Variants in ZNF385D observed in about 807,000 individuals in gnomAD.
ZNF385D encodes zinc finger protein 385D.
ZNF385D carries 15 observed loss-of-function variants against 35.8 expected under a neutral mutation model. The ratio of observed to expected loss-of-function variants is 0.42; its 90% CI spans 0.28 to 0.64. The LOEUF (loss-of-function observed/expected upper bound fraction) is 0.64. Among genes scored for constraint, ZNF385D ranks in the 30% least tolerant of loss-of-function variants. ZNF385D has a pLI of 0.23. For missense variants in ZNF385D, 474 were observed against 494.6 expected, an observed-to-expected ratio of 0.96 and a Z score of 0.39; for synonymous variants, 212 against 186.8, an observed-to-expected ratio of 1.13 and a Z score of -1.10.
At chr3:22,167,528 C>T (rs888381634) in intron 3 of ZNF385D, among the ~76,000 whole-genome samples, 2 of 152,196 alleles carry the variant, frequency 1.3e-5, no homozygotes, top group African/African-American at 4.8e-5. Context: ...GTGACAAGGG[C>T]TCAGGACCCA....
At position 22,333,712 on chromosome 3, in the gene ZNF385D, C is replaced by G. The variant is rs115263473; in HGVS notation, c.106+38738G>C. 7.5e-3 allele frequency among the ~76,000 whole-genome samples: 1,142 copies of G among 152,164 alleles called. 23 individuals are homozygous for G. The highest frequency in any genetic ancestry group is 0.025 in the African/African-American group (1,040 of 41,526). On this transcript the variant is annotated intron_variant, in intron 2 of 5. Transcript: ENST00000494108. ...CCTCATTGGAGAATTTTTATAATAG[C>G]TGCCACTGCTGCACTGAAAGGAGAC...
At chr3:21,440,773 A>C in intron 4 of ZNF385D, among the ~76,000 whole-genome samples, 1 of 152,246 alleles carries the variant, frequency 6.6e-6, no homozygotes, top group Non-Finnish European at 1.5e-5. Flanking sequence ...CAGAATTATA[A>C]CCAGTCAACA....
chr3:22,029,780 G>A (rs551112719), intron 3 of ZNF385D, among the ~76,000 whole-genome samples: 1 of 152,240 alleles, frequency 6.6e-6, no homozygotes, highest in East Asian at 1.9e-4. Flanking sequence ...GTTGTATTAT[G>A]TTAGGCGTAA....
intron 2 of ZNF385D, among the ~76,000 whole-genome samples, chr3:21,584,826 C>A (rs536816581): frequency 6.6e-6 from 1 of 152,314 alleles, no homozygotes; most frequent in Admixed American, 6.5e-5. Flanking sequence ...TCTAGACTGT[C>A]TCCAGGATCT....
intron 5 of ZNF385D, among the ~76,000 whole-genome samples, chr3:21,432,560 C>G (rs1255790192): frequency 6.6e-6 from 1 of 151,660 alleles, no homozygotes; most frequent in African/African-American, 2.4e-5. Context: ...ATTAGCTAAG[C>G]AGAGCACTAC....
chr3:21,539,244 T>C lies in ZNF385D; in HGVS notation c.276+25330A>G, dbSNP rs997302202. Among the ~76,000 whole-genome samples the C allele has an allele frequency of 1.1e-4, 16 of 152,172 alleles. No individual in the cohort carries two copies. Among genetic ancestry groups the C allele is most frequent in the African/African-American group, 3.4e-4 (14 of 41,450 alleles). On this transcript the variant is annotated intron_variant, in intron 3 of 7. Coordinates refer to ENST00000281523, the MANE Select transcript of ZNF385D (RefSeq NM_024697.3). The surrounding 1 kb of genome is among the most constrained non-coding windows in gnomAD (Gnocchi z 4.0). ...TAGTTCAGCTTTTCAAAACACTGAA[T>C]GCCTATTCAGTGCTGTGTGGCTTCT... is the stretch of plus-strand genomic sequence containing the variant.
chr3:21,447,641 T>C (rs1702222820), intron 4 of ZNF385D, among the ~76,000 whole-genome samples: 1 of 152,192 alleles, frequency 6.6e-6, no homozygotes, highest in Non-Finnish European at 1.5e-5. Flanking sequence ...CTATCCACGA[T>C]ATCTAACGGT....
intron 2 of ZNF385D, among the ~76,000 whole-genome samples, chr3:22,231,571 T>C (rs1397716651): frequency 6.6e-6 from 1 of 152,020 alleles, no homozygotes; most frequent in African/African-American, 2.4e-5. Context: ...GACACCAAGG[T>C]CTCTGCTTGA....
chr3:22,192,996 G>C (rs1017174615), intron 2 of ZNF385D, among the ~76,000 whole-genome samples: 2 of 152,112 alleles, frequency 1.3e-5, no homozygotes, highest in Admixed American at 1.3e-4. Flanking sequence ...CAATGGCCAA[G>C]TTCTTTCCAC....
intron 3 of ZNF385D, among the ~76,000 whole-genome samples, chr3:21,806,719 G>A (rs2072668456): frequency 6.6e-6 from 1 of 152,124 alleles, no homozygotes; most frequent in African/African-American, 2.4e-5. Context: ...ATAAAAAGTT[G>A]TATCTCCTTC....
intron 3 of ZNF385D, among the ~76,000 whole-genome samples, chr3:21,887,260 T>A (rs1194413036): frequency 6.6e-6 from 1 of 152,198 alleles, no homozygotes; most frequent in African/African-American, 2.4e-5. Context: ...AAATAGTTTG[T>A]TTCTAAGTAT....
chr3:22,056,732 A>G (rs987531060), intron 3 of ZNF385D, among the ~76,000 whole-genome samples: 5 of 152,238 alleles, frequency 3.3e-5, no homozygotes, highest in Non-Finnish European at 7.3e-5. Flanking sequence ...GGATTAAAAC[A>G]ATTGCCATTT....
At chr3:21,614,227 T>C (rs1217768936) in intron 2 of ZNF385D, among the ~76,000 whole-genome samples, 6 of 152,146 alleles carry the variant, frequency 3.9e-5, no homozygotes, top group African/African-American at 2.4e-5. Context: ...CCTGGGCTTA[T>C]AGATGGCCAC....
rs560036600 is a variant in ZNF385D at position 21,681,660 on chromosome 3, T to C, written c.23-16632A>G. Among the ~76,000 whole-genome samples the C allele has an allele frequency of 1.0e-4, 15 of 149,692 alleles. No homozygotes were observed. In the East Asian group the frequency reaches 2.2e-3, roughly 22 times the overall value. On this transcript the variant is annotated intron_variant, in intron 1 of 7. Coordinates refer to ENST00000281523, the MANE Select transcript of ZNF385D (RefSeq NM_024697.3). ...GAACACAAATGTACACACATGCATT[T>C]TCTAAAAGAATCCAGACTAAGAATG...
chr3:21,934,303 C>T (rs1046032775), intron 3 of ZNF385D, among the ~76,000 whole-genome samples: 3 of 152,028 alleles, frequency 2.0e-5, no homozygotes, highest in Non-Finnish European at 4.4e-5. Flanking sequence ...ATCTAGAATA[C>T]CAAAAGCTGC....
intron 3 of ZNF385D, among the ~76,000 whole-genome samples, chr3:22,063,592 T>C (rs1255836398): frequency 6.6e-6 from 1 of 152,182 alleles, no homozygotes; most frequent in Non-Finnish European, 1.5e-5. Context: ...ATAACCCTAA[T>C]GATATGGTAA....
chr3:21,560,580 GC>G (rs1164372632), intron 3 of ZNF385D, among the ~76,000 whole-genome samples: 1 of 152,138 alleles, frequency 6.6e-6, no homozygotes, highest in East Asian at 1.9e-4. Context: ...GTGCCGGTCG[GC>G]CCCTACTGGG....
chr3:22,350,210 G>T (rs567292856), intron 2 of ZNF385D, among the ~76,000 whole-genome samples: 1 of 152,080 alleles, frequency 6.6e-6, no homozygotes, highest in Non-Finnish European at 1.5e-5. Context: ...GTTTCAACAT[G>T]TTAATATTAG....
intron 3 of ZNF385D, among the ~76,000 whole-genome samples, chr3:22,140,805 T>G (rs761130349): frequency 3.9e-5 from 6 of 152,220 alleles, no homozygotes; most frequent in Non-Finnish European, 8.8e-5. Context: ...ATTTCTAAAA[T>G]TACTTCCTTG....
Sources: gnomAD v4.1 joint callset for allele counts (sites outside exome capture counted in the v4.1 genomes callset) on GRCh38, gnomAD v4.1.1 for gene constraint, Gnocchi (gnomAD v3.1) non-coding constraint, MANE v1.5 for transcripts, NCBI Gene and HGNC (gene_info 2026-07-23, HGNC 2026-07-21) for gene names.